TBC1D31: variants seen among roughly 807,000 people sequenced by gnomAD.
The protein encoded by TBC1D31 is WD repeat domain 67.
TBC1D31 carries 99 observed loss-of-function variants against 132.9 expected under a neutral mutation model. That is an observed-to-expected ratio of 0.74 (90% CI 0.63 to 0.88). The LOEUF (loss-of-function observed/expected upper bound fraction) is 0.88. Ranked by LOEUF, TBC1D31 falls within the 40% of genes least tolerant of loss-of-function variation. The pLI is 0.00. For missense variants in TBC1D31, 1,134 were observed against 1,256.6 expected (o/e 0.90, Z 1.48); for synonymous variants, 385 against 419.4 (o/e 0.92, Z 1.00).
In TBC1D31 at chr8:123,110,956, G is replaced by A. The variant is rs193111481; in HGVS notation, c.1436+1336G>A. Among the ~76,000 whole-genome samples the A allele has an allele frequency of 7.4e-4, 113 of 152,226 alleles. 1 individual carries two copies. The highest frequency in any genetic ancestry group is 2.6e-3 in the African/African-American group (109 of 41,548). On this transcript the variant is annotated intron_variant, in intron 10 of 21. Transcript: ENST00000287380. ...TACAATTTATTTGTTGGAGAAACCAGATCGTTTAACCCATACAGCCCTCTA... is the reference window on the plus strand; with the variant it reads ...TACAATTTATTTGTTGGAGAAACCAAATCGTTTAACCCATACAGCCCTCTA...
At position 123,101,026 on chromosome 8, in the gene TBC1D31, TCAA is replaced by T; in HGVS notation, c.1032+22_1032+24del. On this transcript the variant is annotated intron_variant, in intron 7 of 21. Coordinates refer to ENST00000287380, the MANE Select transcript of TBC1D31 (RefSeq NM_145647.4). ...AAATAAGGTATGTATGATGAAGTAATCAACATCAGCTTTTTATAAACACTTATA... is the reference window on the plus strand; with the variant it reads ...AAATAAGGTATGTATGATGAAGTAATCATCAGCTTTTTATAAACACTTATA... 1 of 1,546,116 alleles carries T rather than the reference TCAA, an allele frequency of 6.5e-7. No individual in the cohort carries two copies. Among genetic ancestry groups the T allele is most frequent in the Non-Finnish European group, 8.9e-7 (1 of 1,118,924 alleles).
intron 19 of TBC1D31, among the ~76,000 whole-genome samples, chr8:123,142,990 G>C (rs1821851142): frequency 6.6e-6 from 1 of 152,198 alleles, no homozygotes; most frequent in Non-Finnish European, 1.5e-5. Flanking sequence ...TGGAGGTAGG[G>C]AGTCTAGGGT....
intron 19 of TBC1D31, 26 bp from the exon 20 acceptor site, chr8:123,144,691 C>A: frequency 1.3e-6 from 2 of 1,592,242 alleles, no homozygotes; most frequent in South Asian, 1.1e-5. Flanking sequence ...TTTATGTAAT[C>A]TTTTTTTCCA....
chr8:123,094,840 C>T (rs1816701553), intron 5 of TBC1D31, among the ~76,000 whole-genome samples: 1 of 152,204 alleles, frequency 6.6e-6, no homozygotes. Flanking sequence ...TGCACCCGAC[C>T]TATTATCACA....
intron 6 of TBC1D31, among the ~76,000 whole-genome samples, chr8:123,098,375 C>T (rs997495870): frequency 4.6e-5 from 7 of 152,164 alleles, no homozygotes; most frequent in African/African-American, 1.7e-4. Context: ...AATCTTGGCT[C>T]ACTGCAACCT....
chr8:123,112,151 G>A (rs1818508289), intron 10 of TBC1D31, among the ~76,000 whole-genome samples: 1 of 152,108 alleles, frequency 6.6e-6, no homozygotes, highest in African/African-American at 2.4e-5. Context: ...TTACAGGTGT[G>A]AGCCACCACA....
At chr8:123,138,777 A>T (rs915637328) in intron 17 of TBC1D31, among the ~76,000 whole-genome samples, 20 of 152,042 alleles carry the variant, frequency 1.3e-4, no homozygotes, top group African/African-American at 4.8e-4. Flanking sequence ...AGTGTGATTA[A>T]TGTTTACTTA....
In TBC1D31 at chr8:123,082,577, T is replaced by C. The variant is rs558769277; in HGVS notation, c.225-125T>C. On this transcript the variant is annotated intron_variant, in intron 2 of 21. Transcript: ENST00000287380. ...GGCACATAGCACCCTTCATAATCTA[T>C]TTTTGGCCTAAAATGGTAGCTCATT... is the stretch of plus-strand genomic sequence containing the variant. 43 of 638,278 alleles carry C rather than the reference T, an allele frequency of 6.7e-5. No individual in the cohort carries two copies. In the South Asian group the frequency reaches 7.8e-4, roughly 12 times the overall value. The allele number at this position is 638,278 out of a possible 1,614,324, so 39.5% of individuals were successfully genotyped here. A position where few individuals can be genotyped will look rare whatever the true frequency, so the allele number is the denominator to read the frequency against.
chr8:123,095,178 G>C (rs1278143796), intron 5 of TBC1D31, among the ~76,000 whole-genome samples: 2 of 152,100 alleles, frequency 1.3e-5, no homozygotes, highest in Non-Finnish European at 2.9e-5. Flanking sequence ...CTGGAGGCTT[G>C]ATCTGATTTA....
At chr8:123,082,223 A>G (rs996561366) in intron 2 of TBC1D31, among the ~76,000 whole-genome samples, 5 of 152,096 alleles carry the variant, frequency 3.3e-5, no homozygotes, top group Non-Finnish European at 7.4e-5. Context: ...CTCAACATGT[A>G]TTCTTTCATT....
chr8:123,105,569 G>T, intron 8 of TBC1D31, 105 bp downstream of exon 8: 1 of 1,005,868 alleles, frequency 9.9e-7, no homozygotes, highest in Non-Finnish European at 1.4e-6. Context: ...TAAAGAAAGA[G>T]AATAAAATGA....
chr8:123,130,205 G>A lies in TBC1D31; in HGVS notation c.2278G>A (p.Ala760Thr), dbSNP rs1378952870. 6.2e-7 allele frequency: 1 copy of A among 1,608,154 alleles called. No individual in the cohort carries two copies. Among genetic ancestry groups the A allele is most frequent in the Admixed American group, 1.7e-5 (1 of 58,854 alleles). The change falls in exon 16 of 22, where the codon GCT becomes ACT. Residue 760 changes from alanine (A) to threonine (T), a missense_variant. Ala to Thr is a moderately conservative substitution (Grantham distance 58, BLOSUM62 0). Transcript: ENST00000287380. ...ATGTATTTTGTATTTAAGGCTAGCT[G>A]CTGTGAAAAGAGAGCTGAAAGTAAA... ...KMIQQRQRLA[A>T]VKRELKVKEM...
At position 123,140,846 on chromosome 8, in the gene TBC1D31, A is replaced by G. The variant is rs1821584835; in HGVS notation, c.2585A>G (p.His862Arg). The G allele has an allele frequency of 2.5e-6, 4 of 1,613,804 alleles. No homozygotes were observed. Among genetic ancestry groups the G allele is most frequent in the East Asian group, 4.5e-5 (2 of 44,862 alleles). ...AGACGAAAAGTGGATCTTGAAGAAC[A>G]CATGTTTCATAAGCTGATAGAAGCA... is the stretch of plus-strand genomic sequence containing the variant. ...AYRRKVDLEEHMFHKLIEAGE... is the reference protein window; with the variant it reads ...AYRRKVDLEERMFHKLIEAGE... Residue 862 changes from histidine to arginine, a missense_variant, in exon 18 of 22, where the codon CAC (histidine) becomes CGC (arginine). His to Arg is a conservative substitution (Grantham distance 29). Coordinates refer to ENST00000287380, the MANE Select transcript of TBC1D31 (RefSeq NM_145647.4).
At position 123,090,859 on chromosome 8, in the gene TBC1D31, C is replaced by T. The variant is rs543376402; in HGVS notation, c.520-2732C>T. Among the ~76,000 whole-genome samples the T allele has an allele frequency of 6.6e-5, 10 of 152,008 alleles. 1 individual carries two copies. The South Asian group carries it at 2.1e-3, about 32-fold the overall frequency. On this transcript the variant is annotated intron_variant, in intron 4 of 21. Coordinates refer to ENST00000287380, the MANE Select transcript of TBC1D31 (RefSeq NM_145647.4). ...CCCAGCTGCTTGGGAGGCTGAGGCA[C>T]GAGGATTGCTTGGGAGGTTGTAGTG...
intron 17 of TBC1D31, among the ~76,000 whole-genome samples, chr8:123,140,044 C>T (rs563666138): frequency 1.3e-5 from 2 of 152,246 alleles, no homozygotes; most frequent in African/African-American, 2.4e-5. Flanking sequence ...CCTTCCTTGG[C>T]TTCCAGGCTG....
intron 16 of TBC1D31, among the ~76,000 whole-genome samples, chr8:123,133,662 G>C (rs1177893755): frequency 6.6e-6 from 1 of 152,182 alleles, no homozygotes. Context: ...ACTTGGAGCA[G>C]AACACATACA....
At chr8:123,145,865 C>CTTTTTTTTTTTTTTTT (rs1266944191) in intron 20 of TBC1D31, among the ~76,000 whole-genome samples, 1 of 140,442 alleles carries the variant, frequency 7.1e-6, no homozygotes, top group Non-Finnish European at 1.5e-5. Flanking sequence ...TTTTCTTTCT[C>CTTTTTTTTTTTTTTTT]TTTTTCTTTT....
chr8:123,077,200 G>A lies in TBC1D31; in HGVS notation c.167G>A (p.Cys56Tyr). ...LNVAFDGTGD[C>Y]LIAGDHQGNI... ...GTGGCTTTTGATGGCACAGGCGACT[G>A]CTTAATTGCTGGGGACCACCAAGGA... is the stretch of plus-strand genomic sequence containing the variant. Residue 56 changes from cysteine to tyrosine, a missense_variant, in exon 2 of 22, where the codon TGC becomes TAC. Coordinates refer to ENST00000287380, the MANE Select transcript of TBC1D31 (RefSeq NM_145647.4). The A allele has an allele frequency of 3.7e-6, 6 of 1,612,994 alleles. No homozygotes were observed. The highest frequency in any genetic ancestry group is 5.1e-6 in the Non-Finnish European group (6 of 1,179,622).
rs547087368 is a variant in TBC1D31, at chr8:123,142,186, T to C, written c.2641-76T>C. Reference sequence around the variant, plus strand: ...TGAACAACTGCCCCAGACACTTGGATACATTGAATGGTTATACCTTCATTT... The same window carrying C: ...TGAACAACTGCCCCAGACACTTGGACACATTGAATGGTTATACCTTCATTT... On this transcript the variant is annotated intron_variant, in intron 18 of 21. Transcript: ENST00000287380. The C allele has an allele frequency of 1.3e-5, 14 of 1,093,186 alleles. No individual in the cohort carries two copies. The Admixed American group carries it at 3.8e-4, about 30-fold the overall frequency. 67.7% of individuals were successfully genotyped at this position (1,093,186 alleles called of 1,614,324 possible).
Sources: gnomAD v4.1 joint callset for allele counts (sites outside exome capture counted in the v4.1 genomes callset) on GRCh38, gnomAD v4.1.1 for gene constraint, MANE v1.5 for transcripts, NCBI Gene and HGNC (gene_info 2026-07-23, HGNC 2026-07-21) for gene names.